Variants in TENM1 observed in about 807,000 individuals in gnomAD.
TENM1 encodes teneurin-1.
A neutral mutation model predicts 174.8 loss-of-function variants in TENM1; 35 were observed. That is an observed-to-expected ratio of 0.20 (90% CI 0.15 to 0.27). The LOEUF is 0.27. Ranked by LOEUF, TENM1 falls within the 10% of genes least tolerant of loss-of-function variation. The pLI, the probability that TENM1 is intolerant of heterozygous loss-of-function variation, is 1.00. For missense variants in TENM1, 1,633 were observed against 2,130.1 expected (o/e 0.77, Z 4.59); for synonymous variants, 781 against 798.7 (o/e 0.98, Z 0.37).
chrX:124,460,134 T>C (rs924826265), intron 22 of TENM1, among the ~76,000 whole-genome samples: 1 of 111,078 alleles, frequency 9.0e-6, no homozygotes, highest in Admixed American at 9.5e-5. Context: ...TTGGTAGGAG[T>C]GTAAATTAGT....
At chrX:124,995,532 G>A in the TENM1 span, among the ~76,000 whole-genome samples, 1 of 111,399 alleles carries the variant, frequency 9.0e-6, no homozygotes, top group Non-Finnish European at 1.9e-5. Flanking sequence ...CACAGGATTG[G>A]GACATTTAGC....
intron 3 of TENM1, among the ~76,000 whole-genome samples, chrX:124,748,885 A>G (rs1179308366): frequency 8.9e-6 from 1 of 111,841 alleles, no homozygotes; most frequent in African/African-American, 3.2e-5. Flanking sequence ...AAATGAGGTA[A>G]TGTGTACAAA....
chrX:124,707,803 GT>G (rs1408230492), intron 4 of TENM1, among the ~76,000 whole-genome samples: 2 of 112,028 alleles, frequency 1.8e-5, no homozygotes, highest in East Asian at 5.6e-4. Flanking sequence ...TCTTGAGTGT[GT>G]ACATTTCCCT....
intron 15 of TENM1, among the ~76,000 whole-genome samples, chrX:124,536,278 C>T (rs16999272): frequency 0.26 from 29,110 of 109,999 alleles, 4,122 homozygotes; most frequent in African/African-American, 0.55. Context: ...GCAGTGAATG[C>T]TCATATGCAA....
intron 15 of TENM1, among the ~76,000 whole-genome samples, chrX:124,541,799 G>A (rs1272335268): frequency 8.9e-6 from 1 of 112,291 alleles, no homozygotes; most frequent in African/African-American, 3.2e-5. Flanking sequence ...CTCTCATCAA[G>A]AGGTGGGATC....
At chrX:124,874,144 A>G (rs2057157244) in intron 3 of TENM1, among the ~76,000 whole-genome samples, 1 of 111,929 alleles carries the variant, frequency 8.9e-6, no homozygotes, top group African/African-American at 3.2e-5. Context: ...AATTTCAAGA[A>G]GAGAAACTGC....
the TENM1 span, among the ~76,000 whole-genome samples, chrX:124,986,900 C>T: frequency 0.04 from 4,404 of 111,449 alleles, 95 homozygotes; most frequent in Non-Finnish European, 0.06. Context: ...CCTCGGCCTC[C>T]CAAAGTGCTG....
chrX:124,430,831 T>C (rs970264587), intron 23 of TENM1, among the ~76,000 whole-genome samples: 2 of 112,325 alleles, frequency 1.8e-5, no homozygotes, highest in Non-Finnish European at 3.8e-5. Context: ...GCCAATTTCA[T>C]GGCTAATATT....
intron 3 of TENM1, among the ~76,000 whole-genome samples, chrX:124,801,626 T>A (rs554931589): frequency 8.9e-6 from 1 of 112,217 alleles, no homozygotes; most frequent in South Asian, 3.7e-4. Context: ...GATTCTGTCA[T>A]CATGATGCTT....
intron 22 of TENM1, among the ~76,000 whole-genome samples, chrX:124,468,242 C>T (rs1160351680): frequency 9.1e-6 from 1 of 109,507 alleles, no homozygotes; most frequent in Non-Finnish European, 1.9e-5. Context: ...GTGGCGTGAT[C>T]TTGGCTCACT....
At chrX:125,060,464 C>A in the TENM1 span, among the ~76,000 whole-genome samples, 1 of 110,700 alleles carries the variant, frequency 9.0e-6, no homozygotes, top group Non-Finnish European at 1.9e-5. Context: ...AATAAGGCTA[C>A]AAATAGTGTT....
the TENM1 span, among the ~76,000 whole-genome samples, chrX:125,115,134 G>A: frequency 3.6e-5 from 4 of 111,211 alleles, no homozygotes; most frequent in African/African-American, 6.5e-5. Flanking sequence ...AACCAATGAC[G>A]AAAACCACAT....
chrX:124,633,024 A>C (rs1028193018), intron 11 of TENM1, among the ~76,000 whole-genome samples: 3 of 112,234 alleles, frequency 2.7e-5, no homozygotes, highest in African/African-American at 9.7e-5. Flanking sequence ...CTGTAGTGGT[A>C]GACACTTTCT....
rs199794007 is a variant in TENM1, at chrX:124,503,643, A to G, written c.3362T>C (p.Val1121Ala). The G allele has an allele frequency of 1.5e-4, 187 of 1,207,232 alleles. No individual in the cohort carries two copies. The Middle Eastern group carries it at 2.3e-3, about 15-fold the overall frequency. Reference sequence around the variant, plus strand: ...ATCCATCTCAAAACCTTGTAAAACGACTGTCCTTTGCTCCCAGAGAATAAA... The same window carrying G: ...ATCCATCTCAAAACCTTGTAAAACGGCTGTCCTTTGCTCCCAGAGAATAAA... Residue 1121 changes from valine (V) to alanine (A), a missense_variant, in exon 19 of 32, where the codon GTC (valine) becomes GCC (alanine). Transcript: ENST00000422452.
chrX:124,900,697 G>A (rs1431701766), intron 1 of TENM1, among the ~76,000 whole-genome samples: 1 of 111,168 alleles, frequency 9.0e-6, no homozygotes, highest in African/African-American at 3.3e-5. Context: ...GAACAAAAAG[G>A]TAGTCAAAAT....
the TENM1 span, among the ~76,000 whole-genome samples, chrX:125,119,473 G>C: frequency 9.2e-6 from 1 of 108,120 alleles, no homozygotes; most frequent in Non-Finnish European, 1.9e-5. Context: ...CATCGTAATG[G>C]ACCCAACACC....
chrX:124,711,444 A>G (rs1159534362), intron 4 of TENM1, among the ~76,000 whole-genome samples: 1 of 111,931 alleles, frequency 8.9e-6, no homozygotes, highest in African/African-American at 3.2e-5. Flanking sequence ...CAGATGCATA[A>G]ATAACCAATG....
At chrX:125,103,233 C>T in the TENM1 span, among the ~76,000 whole-genome samples, 3 of 111,688 alleles carry the variant, frequency 2.7e-5, no homozygotes, top group African/African-American at 9.8e-5. Context: ...ATTGGCTTTT[C>T]CTAGGTTCTC....
the TENM1 span, among the ~76,000 whole-genome samples, chrX:124,995,928 AGTTGTTACTCATTTGGAAGG>A: frequency 1.8e-5 from 2 of 111,079 alleles, no homozygotes; most frequent in African/African-American, 6.5e-5. Flanking sequence ...TCATAGACTA[AGTTGTTACTCATTTGGAAGG>A]AAAAAAAACC....
Sources: allele counts gnomAD v4.1 joint callset (sites outside exome capture counted in the v4.1 genomes callset), GRCh38; gene constraint gnomAD v4.1.1; transcripts MANE v1.5; gene names NCBI Gene and HGNC (gene_info 2026-07-23, HGNC 2026-07-21).